Variants in ADGRA3 observed in about 807,000 individuals in gnomAD.
The protein encoded by ADGRA3 is adhesion G protein-coupled receptor A3.
Under a neutral mutation model 119.8 loss-of-function variants are expected in ADGRA3, and 56 were observed. The observed-to-expected ratio is 0.47, with a 90% confidence interval of 0.38 to 0.58. The LOEUF (loss-of-function observed/expected upper bound fraction) is 0.58, where lower values mean the gene tolerates loss of function less well. Ranked by LOEUF, ADGRA3 falls within the 20% of genes least tolerant of loss-of-function variation. ADGRA3 has a pLI of 0.00. For synonymous variants in ADGRA3, 607 were observed against 623.8 expected (o/e 0.97, Z 0.40); for missense variants, 1,516 against 1,649.0 (o/e 0.92, Z 1.40).
intron 1 of ADGRA3, among the ~76,000 whole-genome samples, chr4:22,509,195 CA>C (rs1719348573): frequency 6.6e-6 from 1 of 152,158 alleles, no homozygotes; most frequent in East Asian, 1.9e-4. Context: ...GAGAAACTCA[CA>C]ACTTGCAAAA....
In ADGRA3 at chr4:22,413,891, A is replaced by G. The variant is rs146775557; in HGVS notation, c.1810-77T>C. On this transcript the variant is annotated intron_variant, in intron 12 of 18. Transcript: ENST00000334304. The stretch of plus-strand genomic sequence containing the variant: ...CCAGAAAAAAATATGTCAGATAGTT[A>G]CAAAAGTGGTATAATTAGGTTGACT... 2,408 of 943,814 alleles carry G rather than the reference A, an allele frequency of 2.6e-3. 103 individuals carry two copies. In the Admixed American group the frequency reaches 0.061, roughly 24 times the overall value. The allele number at this position is 943,814 out of a possible 1,614,324, so 58.5% of individuals were successfully genotyped here.
intron 16 of ADGRA3, chr4:22,394,354 G>A (rs1466610020): frequency 1.3e-5 from 2 of 152,126 alleles, no homozygotes; most frequent in Non-Finnish European, 2.9e-5. Context: ...GCTGGGAGGT[G>A]GGATCAAGTT....
chr4:22,462,130 C>CT (rs879433577), intron 2 of ADGRA3, among the ~76,000 whole-genome samples: 5 of 152,166 alleles, frequency 3.3e-5, no homozygotes, highest in Non-Finnish European at 7.3e-5. Flanking sequence ...ATAATTTCTT[C>CT]TTTAGTATGC....
Position 22,387,677 on chromosome 4 carries a change from G to C in ADGRA3, c.*28C>G, listed in dbSNP as rs1357025022. 3.2e-6 allele frequency: 5 copies of C among 1,566,894 alleles called. No individual in the cohort carries two copies. Among genetic ancestry groups the C allele is most frequent in the Non-Finnish European group, 3.5e-6 (4 of 1,155,804 alleles). On this transcript the variant is annotated 3_prime_UTR_variant, in exon 19 of 19. Transcript: ENST00000334304. ...GGAATGTGAGTATCACAGTTTATAT[G>C]AATTTCTGCCTAGGAAGCCCAGCAA...
At chr4:22,401,338 G>C (rs886874632) in intron 16 of ADGRA3, 93 bp downstream of exon 16, 3 of 1,086,320 alleles carry the variant, frequency 2.8e-6, no homozygotes, top group African/African-American at 1.6e-5. Context: ...TTAAAGAAAA[G>C]GTATTAAAGA....
chr4:22,493,884 C>A (rs924475408), intron 1 of ADGRA3, among the ~76,000 whole-genome samples: 1 of 152,080 alleles, frequency 6.6e-6, no homozygotes, highest in African/African-American at 2.4e-5. Context: ...CAGCCAAAAT[C>A]CATCAAAACC....
At chr4:22,492,205 C>T (rs1718647052) in intron 1 of ADGRA3, among the ~76,000 whole-genome samples, 1 of 152,080 alleles carries the variant, frequency 6.6e-6, no homozygotes, top group Non-Finnish European at 1.5e-5. Flanking sequence ...GAAAGTCCAT[C>T]CCAACCAGCG....
chr4:22,402,758 G>C lies in ADGRA3; in HGVS notation c.2274C>G (p.Leu758=), dbSNP rs775307293. 6 of 1,613,858 alleles carry C rather than the reference G, an allele frequency of 3.7e-6. No individual in the cohort carries two copies. The highest frequency in any genetic ancestry group is 5.1e-6 in the Non-Finnish European group (6 of 1,179,820). ...GSELYTQAAS[L]LHPVVYTTAI... ...CGGTAGTATAAACCACAGGATGCAG[G>C]AGGCTGGCCGCCTGGGTGTATAGTT... Residue 758 remains leucine (L), a synonymous_variant, in exon 15 of 19, where the codon CTC becomes CTG. Transcript: ENST00000334304.
chr4:22,417,778 C>G (rs1181860685), intron 12 of ADGRA3, among the ~76,000 whole-genome samples: 1 of 152,058 alleles, frequency 6.6e-6, no homozygotes, highest in African/African-American at 2.4e-5. Context: ...AATCCAAAGG[C>G]AGTTTTAAAG....
intron 2 of ADGRA3, among the ~76,000 whole-genome samples, chr4:22,464,854 C>T (rs1717599674): frequency 6.6e-6 from 1 of 152,224 alleles, no homozygotes; most frequent in South Asian, 2.1e-4. Context: ...GAAGACACTG[C>T]CCTAACGGCT....
intron 2 of ADGRA3, among the ~76,000 whole-genome samples, chr4:22,468,109 CTG>C (rs1717727893): frequency 6.6e-6 from 1 of 152,190 alleles, no homozygotes; most frequent in East Asian, 1.9e-4. Flanking sequence ...CAGAATGTAA[CTG>C]TGCCTTCAGG....
intron 1 of ADGRA3, among the ~76,000 whole-genome samples, chr4:22,507,326 A>G (rs1719277384): frequency 6.6e-6 from 1 of 152,188 alleles, no homozygotes; most frequent in South Asian, 2.1e-4. Context: ...TGTCGACACA[A>G]TAAATTAGCT....
At chr4:22,396,619 G>A (rs959930855) in intron 16 of ADGRA3, among the ~76,000 whole-genome samples, 1 of 152,198 alleles carries the variant, frequency 6.6e-6, no homozygotes, top group Admixed American at 6.5e-5. Flanking sequence ...CTCTGCTCTC[G>A]GCCGGTGATT....
chr4:22,392,708 G>T lies in ADGRA3; in HGVS notation c.2482-18C>A. The T allele has an allele frequency of 6.3e-7, 1 of 1,584,592 alleles. No individual in the cohort carries two copies. Among genetic ancestry groups the T allele is most frequent in the East Asian group, 2.3e-5 (1 of 44,302 alleles). ...ATCCCAACCTACAAGGAAGATCAAA[G>T]AATAAATAAAAGAAAAAAAATGTTC... On this transcript the variant is annotated intron_variant, in intron 16 of 18. Coordinates refer to ENST00000334304, the MANE Select transcript of ADGRA3 (RefSeq NM_145290.4).
At chr4:22,494,393 A>G (rs2109155052) in intron 1 of ADGRA3, among the ~76,000 whole-genome samples, 1 of 152,030 alleles carries the variant, frequency 6.6e-6, no homozygotes, top group Admixed American at 6.5e-5. Context: ...ATGGGCAACC[A>G]GCAGCCCTTG....
chr4:22,425,023 C>T (rs930276574), intron 10 of ADGRA3, among the ~76,000 whole-genome samples: 1 of 150,814 alleles, frequency 6.6e-6, no homozygotes, highest in East Asian at 2.0e-4. Flanking sequence ...TGCAGTGAGC[C>T]GAGATCGTGC....
chr4:22,504,998 A>C (rs921733380), intron 1 of ADGRA3, among the ~76,000 whole-genome samples: 2 of 152,160 alleles, frequency 1.3e-5, no homozygotes, highest in Non-Finnish European at 2.9e-5. Context: ...ACCAGGTTAC[A>C]GGAAGGTAGG....
At chr4:22,507,811 C>T (rs1719296550) in intron 1 of ADGRA3, among the ~76,000 whole-genome samples, 1 of 152,322 alleles carries the variant, frequency 6.6e-6, no homozygotes, top group East Asian at 1.9e-4. Flanking sequence ...CACTTCCCAA[C>T]ACAGTCTATG....
Position 22,507,453 on chromosome 4 carries a change from T to A in ADGRA3, c.257+8075A>T, listed in dbSNP as rs114533548. ...TAGTCTTCTAAGAAACTACATCCCG[T>A]GTCATTTTCTGAGTTACTTTCAGGA... On this transcript the variant is annotated intron_variant, in intron 1 of 18. Coordinates refer to ENST00000334304, the MANE Select transcript of ADGRA3 (RefSeq NM_145290.4). Among the ~76,000 whole-genome samples the A allele has an allele frequency of 4.9e-3, 749 of 152,290 alleles. 6 individuals are homozygous for A. The highest frequency in any genetic ancestry group is 0.017 in the African/African-American group (714 of 41,572).
Sources: gnomAD v4.1 joint callset for allele counts (sites outside exome capture counted in the v4.1 genomes callset) on GRCh38, gnomAD v4.1.1 for gene constraint, MANE v1.5 for transcripts, NCBI Gene and HGNC (gene_info 2026-07-23, HGNC 2026-07-21) for gene names.